The following ZFPM2 variants were observed in gnomAD, a reference collection of about 807,000 sequenced individuals.
ZFPM2 encodes zinc finger protein ZFPM2.
A neutral mutation model predicts 98.6 loss-of-function variants in ZFPM2; 20 were observed. The ratio of observed to expected loss-of-function variants is 0.20; its 90% confidence interval spans 0.14 to 0.29. ZFPM2 has a LOEUF of 0.29. Among genes scored for constraint, ZFPM2 ranks in the 10% least tolerant of loss-of-function variants. ZFPM2 has a pLI of 1.00. For missense variants in ZFPM2, 1,310 were observed against 1,388.6 expected, an observed-to-expected ratio of 0.94 and a Z score of 0.90; for synonymous variants, 518 against 502.7, an observed-to-expected ratio of 1.03 and a Z score of -0.41.
chr8:105,763,825 G>A (rs1812792515), intron 5 of ZFPM2, among the ~76,000 whole-genome samples: 1 of 151,808 alleles, frequency 6.6e-6, no homozygotes, highest in African/African-American at 2.4e-5. Flanking sequence ...AGTGGGCTTG[G>A]TGATTTACTA....
chr8:105,475,850 A>T (rs551705714), intron 3 of ZFPM2, among the ~76,000 whole-genome samples: 2 of 152,328 alleles, frequency 1.3e-5, no homozygotes, highest in South Asian at 4.1e-4. Context: ...CATTTCAAAA[A>T]AATCAGGAGT....
chr8:105,526,966 T>G (rs1018305793), intron 3 of ZFPM2, among the ~76,000 whole-genome samples: 1 of 152,160 alleles, frequency 6.6e-6, no homozygotes, highest in Non-Finnish European at 1.5e-5. Flanking sequence ...AATCTCTCTG[T>G]GCCTCAGTTT....
intron 5 of ZFPM2, among the ~76,000 whole-genome samples, chr8:105,695,987 C>G (rs1811008777): frequency 6.6e-6 from 1 of 152,248 alleles, no homozygotes; most frequent in African/African-American, 2.4e-5. Context: ...AATGTTGAGG[C>G]CTAGATTATA....
chr8:105,651,465 CAA>C (rs35701061), intron 5 of ZFPM2, among the ~76,000 whole-genome samples: 58 of 138,548 alleles, frequency 4.2e-4, no homozygotes, highest in South Asian at 9.3e-4. Context: ...GACTCCATCT[CAA>C]AAAAAAAAAA....
At chr8:105,640,659 T>A (rs775179406) in intron 5 of ZFPM2, among the ~76,000 whole-genome samples, 1 of 152,020 alleles carries the variant, frequency 6.6e-6, no homozygotes, top group Non-Finnish European at 1.5e-5. Flanking sequence ...AAAACAAATG[T>A]CTTTCATTAC....
Position 105,798,954 on chromosome 8 carries a change from T to C in ZFPM2, c.964+6T>C. 6.2e-7 allele frequency: 1 copy of C among 1,610,368 alleles called. No homozygotes were observed. The stretch of plus-strand genomic sequence containing the variant: ...GCACCTGAATTCACACAGTGGTAAA[T>C]GCCCCTTTTGTTTCTTCTGTTGCTC... On this transcript the variant is annotated splice_donor_region_variant and intron_variant, in intron 7 of 7. Coordinates refer to ENST00000407775, the MANE Select transcript of ZFPM2 (RefSeq NM_012082.4).
chr8:105,598,898 G>A (rs747830227), intron 4 of ZFPM2, among the ~76,000 whole-genome samples: 2 of 152,078 alleles, frequency 1.3e-5, no homozygotes, highest in Non-Finnish European at 2.9e-5. Context: ...TCAATTTCAC[G>A]AACTCTGTTG....
chr8:105,385,510 C>G (rs1273000178), intron 1 of ZFPM2, among the ~76,000 whole-genome samples: 1 of 152,188 alleles, frequency 6.6e-6, no homozygotes, highest in Non-Finnish European at 1.5e-5. Flanking sequence ...TGTGTGTGCT[C>G]ACTGTACTGC....
At chr8:105,396,879 T>G (rs1048063315) in intron 1 of ZFPM2, among the ~76,000 whole-genome samples, 3 of 152,218 alleles carry the variant, frequency 2.0e-5, no homozygotes, top group African/African-American at 4.8e-5. Flanking sequence ...TGCTCTGTGT[T>G]CAGTAATTTG....
intron 4 of ZFPM2, among the ~76,000 whole-genome samples, chr8:105,604,898 G>T (rs1816166785): frequency 6.6e-6 from 1 of 152,000 alleles, no homozygotes; most frequent in Non-Finnish European, 1.5e-5. Context: ...CACAAGGACA[G>T]ATTATCTTGT....
chr8:105,716,694 G>A (rs1419278923), intron 5 of ZFPM2, among the ~76,000 whole-genome samples: 1 of 151,866 alleles, frequency 6.6e-6, no homozygotes, highest in Non-Finnish European at 1.5e-5. Flanking sequence ...GACACCAAAA[G>A]GAAAGCCATG....
At chr8:105,493,629 T>G (rs756793853) in intron 3 of ZFPM2, among the ~76,000 whole-genome samples, 1 of 152,172 alleles carries the variant, frequency 6.6e-6, no homozygotes, top group Admixed American at 6.5e-5. Flanking sequence ...CACTTGCCAG[T>G]TGTAGCACTC....
chr8:105,466,580 G>T (rs1350083953), intron 3 of ZFPM2, among the ~76,000 whole-genome samples: 1 of 151,842 alleles, frequency 6.6e-6, no homozygotes, highest in Admixed American at 6.6e-5. Flanking sequence ...ATTCCCATAG[G>T]TCCTTCTATA....
intron 1 of ZFPM2, among the ~76,000 whole-genome samples, chr8:105,347,774 T>C (rs1812566236): frequency 1.3e-5 from 2 of 152,342 alleles, no homozygotes; most frequent in South Asian, 2.1e-4. Context: ...TTCAAGTGTT[T>C]AAATTTCAAA....
intron 4 of ZFPM2, among the ~76,000 whole-genome samples, chr8:105,621,441 T>A (rs1360634029): frequency 6.6e-6 from 1 of 152,024 alleles, no homozygotes; most frequent in Non-Finnish European, 1.5e-5. Flanking sequence ...GACTATGGGG[T>A]TTTCTAAATA....
rs868014322 is a variant in ZFPM2, at chr8:105,469,395, T to C, written c.301+25014T>C. Among the ~76,000 whole-genome samples the C allele has an allele frequency of 5.3e-5, 8 of 152,320 alleles. No individual in the cohort carries two copies. In the South Asian group the frequency reaches 1.7e-3, roughly 32 times the overall value. On this transcript the variant is annotated intron_variant, in intron 3 of 7. Transcript: ENST00000407775. ...TTCCCCTTTCTATCTCTCAATCTCC[T>C]ACTCCTTTTTATGACTGCGTCTTCC...
chr8:105,630,684 T>C (rs1207065174), intron 4 of ZFPM2, among the ~76,000 whole-genome samples: 1 of 152,228 alleles, frequency 6.6e-6, no homozygotes, highest in Admixed American at 6.5e-5. Context: ...TTTTATATTT[T>C]ACTCATATTA....
At chr8:105,650,297 G>A (rs7825322) in intron 5 of ZFPM2, among the ~76,000 whole-genome samples, 71,954 of 151,726 alleles carry the variant, frequency 0.47, 17,336 homozygotes, top group African/African-American at 0.56. Context: ...CTAGTGGTCT[G>A]TCAATTTTGT....
At chr8:105,339,431 A>G (rs1586301640) in intron 1 of ZFPM2, among the ~76,000 whole-genome samples, 1 of 151,952 alleles carries the variant, frequency 6.6e-6, no homozygotes, top group African/African-American at 2.4e-5. Context: ...TGGAGCTGAT[A>G]AAAATGAACT....
Sources: gnomAD v4.1 joint callset for allele counts (sites outside exome capture counted in the v4.1 genomes callset) on GRCh38, gnomAD v4.1.1 for gene constraint, MANE v1.5 for transcripts, NCBI Gene and HGNC (gene_info 2026-07-23, HGNC 2026-07-21) for gene names.